Variants in ALX4 observed in about 807,000 individuals in gnomAD.
ALX4 encodes the protein homeobox protein aristaless-like 4.
Under a neutral mutation model 40.6 loss-of-function variants are expected in ALX4, and 22 were observed. The ratio of observed to expected loss-of-function variants is 0.54; its 90% CI spans 0.39 to 0.77. The LOEUF (loss-of-function observed/expected upper bound fraction) is 0.77. ALX4 is among the 30% of genes least tolerant of loss of function. The pLI is 0.00. For synonymous variants in ALX4, 266 were observed against 240.5 expected, an observed-to-expected ratio of 1.11 and a Z score of -0.98; for missense variants, 556 against 564.8, an observed-to-expected ratio of 0.98 and a Z score of 0.16.
At chr11:44,266,388 A>G (rs1336444613) in intron 3 of ALX4, among the ~76,000 whole-genome samples, 1 of 152,044 alleles carries the variant, frequency 6.6e-6, no homozygotes, top group East Asian at 1.9e-4. Flanking sequence ...AGAGAATGGA[A>G]GAACATAGTG....
chr11:44,265,117 A>T lies in ALX4; in HGVS notation c.973T>A (p.Cys325Ser). ...GACATGCAGGCAGGCACCGGGTCGCAGGGGACCACGCAGGCTGGCACTGGT... is the reference window on the plus strand; with the variant it reads ...GACATGCAGGCAGGCACCGGGTCGCTGGGGACCACGCAGGCTGGCACTGGT... The part of the protein sequence containing the change: ...ASPVPACVVP[C>S]DPVPACMSPH... The change falls in exon 4 of 4, where the codon TGC (cysteine) becomes AGC (serine). Residue 325 changes from cysteine to serine, a missense_variant. Physicochemically the swap from Cys to Ser is moderately radical, Grantham distance 112. Coordinates refer to ENST00000652299, the MANE Select transcript of ALX4 (RefSeq NM_021926.4). 6.2e-7 allele frequency: 1 copy of T among 1,612,020 alleles called. No homozygotes were observed. Among genetic ancestry groups the T allele is most frequent in the Non-Finnish European group, 8.5e-7 (1 of 1,179,370 alleles).
chr11:44,270,342 G>A (rs1564999635), intron 2 of ALX4, among the ~76,000 whole-genome samples: 1 of 115,312 alleles, frequency 8.7e-6, no homozygotes, highest in Non-Finnish European at 2.2e-5. Flanking sequence ...TGGAAATGGT[G>A]AGAGGCGGGT....
intron 1 of ALX4, among the ~76,000 whole-genome samples, chr11:44,283,726 G>A (rs1956322858): frequency 6.6e-6 from 1 of 152,008 alleles, no homozygotes; most frequent in South Asian, 2.1e-4. Flanking sequence ...ACCACACCCC[G>A]CTCATTTTTG....
At chr11:44,279,009 G>A (rs1314807871) in intron 1 of ALX4, among the ~76,000 whole-genome samples, 1 of 152,186 alleles carries the variant, frequency 6.6e-6, no homozygotes, top group Non-Finnish European at 1.5e-5. Context: ...CTGAAGTTCT[G>A]CAGCTCCACT....
chr11:44,296,011 TG>T (rs1269035385), intron 1 of ALX4, among the ~76,000 whole-genome samples: 2 of 152,212 alleles, frequency 1.3e-5, no homozygotes, highest in Non-Finnish European at 2.9e-5. Context: ...TTCTGTGACC[TG>T]TTGGTCACTG....
At chr11:44,298,279 G>A (rs1354874296) in intron 1 of ALX4, among the ~76,000 whole-genome samples, 1 of 152,196 alleles carries the variant, frequency 6.6e-6, no homozygotes, top group Admixed American at 6.5e-5. Flanking sequence ...CCCTCAGATT[G>A]CATATGCCGG....
Position 44,277,164 on chromosome 11 carries a change from T to C in ALX4, c.467-1506A>G, listed in dbSNP as rs140917662. 9.7e-3 allele frequency among the ~76,000 whole-genome samples: 1,483 copies of C among 152,296 alleles called. 18 individuals carry two copies. The highest frequency in any genetic ancestry group is 9.1e-3 in the Non-Finnish European group (616 of 68,026). On this transcript the variant is annotated intron_variant, in intron 1 of 3. Transcript: ENST00000652299. ...TAGCTGTGGGAAATAAAGAGGCTAG[T>C]GTGCTAGCTATGTAGTTTTGCCATT...
At chr11:44,307,980 C>A (rs1956479526) in intron 1 of ALX4, among the ~76,000 whole-genome samples, 1 of 151,986 alleles carries the variant, frequency 6.6e-6, no homozygotes, top group Non-Finnish European at 1.5e-5. Context: ...CTGTGGGTGT[C>A]TGTGTGTGGA....
At chr11:44,266,236 G>A (rs971328267) in intron 3 of ALX4, among the ~76,000 whole-genome samples, 1 of 152,182 alleles carries the variant, frequency 6.6e-6, no homozygotes, top group Non-Finnish European at 1.5e-5. Flanking sequence ...TGAGGTGGGG[G>A]TAGGAGGGGT....
Position 44,264,876 on chromosome 11 carries a change from G to T in ALX4, c.1214C>A (p.Ala405Glu), listed in dbSNP as rs200122905. The change falls in exon 4 of 4, where the codon GCG becomes GAG. Residue 405 changes from alanine to glutamate, a missense_variant. Transcript: ENST00000652299. The stretch of plus-strand genomic sequence containing the variant: ...CTGTCATGTGGCCCAGGAAATGGCC[G>T]CACTGTGCTCCTTGGCCTTCATGCG... The part of the protein sequence containing the change: ...ALRMKAKEHS[A>E]AISWAT 17 of 1,612,880 alleles carry T rather than the reference G, an allele frequency of 1.1e-5. No individual in the cohort carries two copies. In the East Asian group the frequency reaches 3.3e-4, roughly 32 times the overall value.
At chr11:44,267,814 G>T (rs2135307532) in intron 2 of ALX4, among the ~76,000 whole-genome samples, 192 bp from the exon 3 acceptor site, 1 of 152,294 alleles carries the variant, frequency 6.6e-6, no homozygotes, top group South Asian at 2.1e-4. Context: ...TCCACTCTGA[G>T]CTGGGAAGGT....
At chr11:44,281,120 CTT>C (rs796184044) in intron 1 of ALX4, among the ~76,000 whole-genome samples, 2 of 146,940 alleles carry the variant, frequency 1.4e-5, no homozygotes, top group African/African-American at 2.5e-5. Context: ...TTCTTTCTTT[CTT>C]TTTTTTTTTG....
intron 2 of ALX4, among the ~76,000 whole-genome samples, chr11:44,270,176 C>T (rs1197744361): frequency 2.0e-5 from 3 of 151,676 alleles, no homozygotes; most frequent in African/African-American, 7.3e-5. Flanking sequence ...GAATGTGGGG[C>T]GCGGGCTCGC....
intron 1 of ALX4, among the ~76,000 whole-genome samples, chr11:44,301,222 C>T (rs888352271): frequency 6.6e-5 from 10 of 152,204 alleles, no homozygotes; most frequent in African/African-American, 2.4e-4. Context: ...GCCATCTCTT[C>T]CAACCTTGAG....
rs370745972 is a variant in ALX4 at position 44,262,182 on chromosome 11, G to C, written c.*2672C>G. The stretch of plus-strand genomic sequence containing the variant: ...CTAGTCTCAGGGCAAGTACAGGTCA[G>C]GGCAGTCATGTCTCCACTCTGGGCC... On this transcript the variant is annotated 3_prime_UTR_variant, in exon 4 of 4. Coordinates refer to ENST00000652299, the MANE Select transcript of ALX4 (RefSeq NM_021926.4). 6.6e-6 allele frequency: 1 copy of C among 152,420 alleles called. No individual in the cohort carries two copies. Among genetic ancestry groups the C allele is most frequent in the South Asian group, 2.1e-4 (1 of 4,836 alleles). The allele number at this position is 152,420 out of a possible 1,614,324, so 9.4% of individuals were successfully genotyped here.
intron 1 of ALX4, among the ~76,000 whole-genome samples, chr11:44,276,443 G>A (rs548348491): frequency 6.6e-6 from 1 of 152,226 alleles, no homozygotes; most frequent in African/African-American, 2.4e-5. Context: ...ACAGCTCCCA[G>A]CCACTGCGTC....
In ALX4 at chr11:44,265,187, G is replaced by T; in HGVS notation, c.907-4C>A. On this transcript the variant is annotated splice_region_variant and splice_polypyrimidine_tract_variant and intron_variant, in intron 3 of 3. Transcript: ENST00000652299. ...CGAGCCAGGACGGGTTCTGAATCTG[G>T]GAGAGGAAGGGAGAGATGTCACCGG... The T allele has an allele frequency of 6.3e-7, 1 of 1,595,170 alleles. No individual in the cohort carries two copies. The highest frequency in any genetic ancestry group is 1.1e-5 in the South Asian group (1 of 88,380).
intron 1 of ALX4, among the ~76,000 whole-genome samples, chr11:44,296,102 C>A (rs905766976): frequency 2.0e-5 from 3 of 152,230 alleles, no homozygotes; most frequent in Non-Finnish European, 4.4e-5. Flanking sequence ...ATCAGAAGAT[C>A]ATTCAGGGGC....
chr11:44,271,695 T>TAAG (rs987760634), intron 2 of ALX4, among the ~76,000 whole-genome samples: 1 of 152,182 alleles, frequency 6.6e-6, no homozygotes, highest in African/African-American at 2.4e-5. Flanking sequence ...GAAGTAGGTA[T>TAAG]AAGTGTGTGT....
Sources: gnomAD v4.1 joint callset for allele counts (sites outside exome capture counted in the v4.1 genomes callset) on GRCh38, gnomAD v4.1.1 for gene constraint, MANE v1.5 for transcripts, NCBI Gene and HGNC (gene_info 2026-07-23, HGNC 2026-07-21) for gene names.